Variants in CLSTN1 observed in about 807,000 individuals in gnomAD.
CLSTN1 encodes the protein calsyntenin 1.
Under a neutral mutation model 108.3 loss-of-function variants are expected in CLSTN1, and 28 were observed. That is an observed-to-expected ratio of 0.26 (90% confidence interval 0.19 to 0.35). The LOEUF (loss-of-function observed/expected upper bound fraction) is 0.35, where lower values mean the gene tolerates loss of function less well. Among genes scored for constraint, CLSTN1 ranks in the 10% least tolerant of loss-of-function variants. CLSTN1 has a pLI of 1.00. For synonymous variants in CLSTN1, 524 were observed against 534.9 expected (o/e 0.98, Z 0.28); for missense variants, 1,157 against 1,302.6 (o/e 0.89, Z 1.72).
chr1:9,750,701 G>C (rs1215884809), intron 5 of CLSTN1, among the ~76,000 whole-genome samples: 4 of 119,358 alleles, frequency 3.4e-5, no homozygotes, highest in Non-Finnish European at 6.3e-5. Context: ...GACAGAGCAA[G>C]ACCTTCCCTC....
chr1:9,819,077 A>G (rs2101351837), intron 1 of CLSTN1, among the ~76,000 whole-genome samples: 1 of 152,146 alleles, frequency 6.6e-6, no homozygotes, highest in South Asian at 2.1e-4. Flanking sequence ...TACAGGTGTG[A>G]GCCACCGCAC....
At chr1:9,806,521 G>T (rs577640987) in intron 1 of CLSTN1, among the ~76,000 whole-genome samples, 2 of 152,220 alleles carry the variant, frequency 1.3e-5, no homozygotes, top group East Asian at 3.9e-4. Flanking sequence ...ATACCCTGTA[G>T]AATATGACTG....
rs1655195948 is a variant in CLSTN1, at chr1:9,821,673, A to C, written c.91+1970T>G. Among the ~76,000 whole-genome samples the C allele has an allele frequency of 2.0e-5, 3 of 152,352 alleles. No homozygotes were observed. The South Asian group carries it at 6.2e-4, about 32-fold the overall frequency. On this transcript the variant is annotated intron_variant, in intron 1 of 18. Transcript: ENST00000377298. ...AAATGATCTCTTAAAACGAGCCCACAGAGTGTCTCCAAACTGTAAATTTAC... is the reference window on the plus strand; with the variant it reads ...AAATGATCTCTTAAAACGAGCCCACCGAGTGTCTCCAAACTGTAAATTTAC...
In CLSTN1 at chr1:9,749,627, C is replaced by G. The variant is rs1407591955; in HGVS notation, c.819G>C (p.Glu273Asp). 1 of 1,613,878 alleles carries G rather than the reference C, an allele frequency of 6.2e-7. No individual in the cohort carries two copies. Among genetic ancestry groups the G allele is most frequent in the East Asian group, 2.2e-5 (1 of 44,902 alleles). Residue 273 changes from glutamate to aspartate, a missense_variant, in exon 7 of 19, where the codon GAG (glutamate) becomes GAC (aspartate). Coordinates refer to ENST00000377298, the MANE Select transcript of CLSTN1 (RefSeq NM_001009566.3). ...CCAACGCGCCGGTGCCCGGCTCATA[C>G]TCAATCCTGTTGTTCCATCCTGTGT... ...PGWQGWNNRI[E>D]YEPGTGALAV...
intron 1 of CLSTN1, among the ~76,000 whole-genome samples, chr1:9,794,883 A>G (rs1653921674): frequency 6.6e-6 from 1 of 151,324 alleles, no homozygotes; most frequent in African/African-American, 2.4e-5. Flanking sequence ...AAACTTTATC[A>G]TATATAGTTC....
chr1:9,756,398 C>T, intron 3 of CLSTN1, 83 bp downstream of exon 3: 2 of 1,079,062 alleles, frequency 1.9e-6, no homozygotes, highest in Admixed American at 3.9e-5. Context: ...ACAGTTTCTC[C>T]TGTTTAAGGG....
At chr1:9,811,718 T>C (rs1654761792) in intron 1 of CLSTN1, among the ~76,000 whole-genome samples, 1 of 145,388 alleles carries the variant, frequency 6.9e-6, no homozygotes, top group African/African-American at 2.7e-5. Context: ...TGACAAATGC[T>C]TGAAATGCAT....
intron 1 of CLSTN1, among the ~76,000 whole-genome samples, chr1:9,814,789 C>T (rs1654906668): frequency 6.6e-6 from 1 of 151,780 alleles, no homozygotes; most frequent in Admixed American, 6.6e-5. Flanking sequence ...TGCACACCTA[C>T]TCAGGAGGCT....
At chr1:9,760,851 T>C (rs114249810) in intron 2 of CLSTN1, among the ~76,000 whole-genome samples, 1 of 151,982 alleles carries the variant, frequency 6.6e-6, no homozygotes, top group African/African-American at 2.4e-5. Flanking sequence ...GTCAAATGCA[T>C]GCTACGGCAC....
At chr1:9,753,235 G>A (rs780419134) in intron 4 of CLSTN1, among the ~76,000 whole-genome samples, 2 of 152,180 alleles carry the variant, frequency 1.3e-5, no homozygotes, top group South Asian at 4.1e-4. Flanking sequence ...ATCTGATACC[G>A]CTGCTGATGT....
At chr1:9,763,784 G>GCCC in intron 2 of CLSTN1, among the ~76,000 whole-genome samples, 1 of 152,130 alleles carries the variant, frequency 6.6e-6, no homozygotes, top group East Asian at 1.9e-4. Context: ...ACCCTGGGAG[G>GCCC]CCCTTCCAGT....
At chr1:9,733,604 G>C (rs909106210) in intron 15 of CLSTN1, 58 bp from the exon 16 acceptor site, 2 of 1,598,804 alleles carry the variant, frequency 1.3e-6, no homozygotes, top group East Asian at 2.2e-5. Flanking sequence ...GCATGGGCAG[G>C]GCTGCAGCCG....
intron 1 of CLSTN1, among the ~76,000 whole-genome samples, chr1:9,786,807 T>C (rs1653516567): frequency 6.6e-6 from 1 of 151,402 alleles, no homozygotes; most frequent in Non-Finnish European, 1.5e-5. Flanking sequence ...TCACAGGGCC[T>C]GAGAGCTACA....
chr1:9,756,544 T>A, intron 2 of CLSTN1, 34 bp from the exon 3 acceptor site: 1 of 1,596,302 alleles, frequency 6.3e-7, no homozygotes, highest in Non-Finnish European at 8.6e-7. Context: ...ATGTCAGTAA[T>A]ACAGGAAAGA....
intron 1 of CLSTN1, among the ~76,000 whole-genome samples, chr1:9,774,788 G>A (rs956583196): frequency 5.9e-4 from 90 of 152,216 alleles, no homozygotes; most frequent in African/African-American, 2.0e-3. Context: ...AAGGAAGAAA[G>A]AATGGCTACT....
At chr1:9,822,962 C>CA (rs1655245633) in intron 1 of CLSTN1, among the ~76,000 whole-genome samples, 1 of 152,174 alleles carries the variant, frequency 6.6e-6, no homozygotes, top group Non-Finnish European at 1.5e-5. Context: ...CCCGCGGTCG[C>CA]AAATCTCATC....
At chr1:9,751,339 A>C in intron 5 of CLSTN1, 134 bp downstream of exon 5, 1 of 762,706 alleles carries the variant, frequency 1.3e-6, no homozygotes, top group Non-Finnish European at 2.1e-6. Context: ...AATTAAAAGC[A>C]AACACACACC....
intron 7 of CLSTN1, among the ~76,000 whole-genome samples, chr1:9,746,064 G>A (rs868152111): frequency 2.6e-4 from 39 of 152,056 alleles, no homozygotes; most frequent in Admixed American, 1.2e-3. Flanking sequence ...CACCGCGCTC[G>A]GCCTGAATAG....
At chr1:9,806,297 G>A (rs1451490710) in intron 1 of CLSTN1, among the ~76,000 whole-genome samples, 2 of 152,062 alleles carry the variant, frequency 1.3e-5, no homozygotes, top group African/African-American at 4.8e-5. Context: ...GCAAAACTCT[G>A]TCTCGAAAAT....
Sources: allele counts gnomAD v4.1 joint callset (sites outside exome capture counted in the v4.1 genomes callset), GRCh38; gene constraint gnomAD v4.1.1; transcripts MANE v1.5; gene names NCBI Gene and HGNC (gene_info 2026-07-23, HGNC 2026-07-21).